SUSD4: variants seen among roughly 807,000 people sequenced by gnomAD.
SUSD4 encodes sushi domain containing 4.
In SUSD4, 41 loss-of-function variants were observed where a neutral mutation model predicts 50.5. The observed-to-expected ratio is 0.81, with a 90% CI of 0.63 to 1.05. The LOEUF is 1.05. SUSD4 is among the 50% of genes least tolerant of loss of function. The pLI is 0.00. For synonymous variants in SUSD4, 257 were observed against 257.3 expected, an observed-to-expected ratio of 1.00 and a Z score of 0.01; for missense variants, 580 against 634.7, an observed-to-expected ratio of 0.91 and a Z score of 0.93.
At chr1:223,252,382 G>A (rs1007692753) in intron 5 of SUSD4, among the ~76,000 whole-genome samples, 1 of 151,922 alleles carries the variant, frequency 6.6e-6, no homozygotes, top group Non-Finnish European at 1.5e-5. Flanking sequence ...CGAACGCCAA[G>A]GAATGAGGCA....
intron 5 of SUSD4, among the ~76,000 whole-genome samples, chr1:223,239,717 CTGTG>C (rs376158993): frequency 3.3e-5 from 5 of 149,570 alleles, no homozygotes; most frequent in Admixed American, 6.7e-5. Flanking sequence ...ATATAAGCGT[CTGTG>C]TGTGTGTGTG....
intron 2 of SUSD4, among the ~76,000 whole-genome samples, chr1:223,359,771 A>G (rs17162008): frequency 0.26 from 39,431 of 152,080 alleles, 5,203 homozygotes; most frequent in Middle Eastern, 0.3. Context: ...TGGGAGCCCA[A>G]GTAAGGGAAG....
Position 223,249,119 on chromosome 1 carries a change from A to T in SUSD4, c.724+15511T>A, listed in dbSNP as rs189984775. On this transcript the variant is annotated intron_variant, in intron 5 of 8. Coordinates refer to ENST00000366878, the MANE Select transcript of SUSD4 (RefSeq NM_017982.4). Reference sequence around the variant, plus strand: ...ACAAGGTGAAAATAAATCACAAGACATCTGTGGCGTCAGAGTGTTTTGACG... The same window carrying T: ...ACAAGGTGAAAATAAATCACAAGACTTCTGTGGCGTCAGAGTGTTTTGACG... 9.2e-5 allele frequency among the ~76,000 whole-genome samples: 14 copies of T among 152,358 alleles called. No individual in the cohort carries two copies. In the East Asian group the frequency reaches 2.7e-3, roughly 29 times the overall value.
chr1:223,355,518 C>T (rs1165482738), intron 2 of SUSD4, among the ~76,000 whole-genome samples: 1 of 152,086 alleles, frequency 6.6e-6, no homozygotes, highest in Admixed American at 6.6e-5. Context: ...CGCACCAGGC[C>T]CATTTTCTTT....
chr1:223,364,912 G>A (rs1289312187), upstream of SUSD4, among the ~76,000 whole-genome samples: 1 of 152,122 alleles, frequency 6.6e-6, no homozygotes, highest in East Asian at 1.9e-4. This position sits in a 1 kb window ranked among gnomAD's most constrained non-coding sequence, Gnocchi z 4.5. Flanking sequence ...TGAGGCGGCT[G>A]AGAGACACTC....
At chr1:223,224,393 G>A (rs1048385906) in intron 7 of SUSD4, among the ~76,000 whole-genome samples, 1 of 152,054 alleles carries the variant, frequency 6.6e-6, no homozygotes, top group African/African-American at 2.4e-5. Flanking sequence ...AGTGCCCAGA[G>A]GGACTAGCTG....
intron 2 of SUSD4, among the ~76,000 whole-genome samples, chr1:223,329,601 T>TA (rs1462757600): frequency 1.3e-5 from 2 of 152,242 alleles, no homozygotes; most frequent in African/African-American, 4.8e-5. Context: ...TCTGCATCCC[T>TA]AAAGTTCTTA....
At chr1:223,222,331 G>A in intron 8 of SUSD4, 111 bp from the exon 9 acceptor site, 1 of 1,160,632 alleles carries the variant, frequency 8.6e-7, no homozygotes, top group Non-Finnish European at 1.2e-6. Flanking sequence ...GTGAGGAGAA[G>A]AAAATGTTAA....
chr1:223,355,990 T>C (rs1668643187), intron 2 of SUSD4, among the ~76,000 whole-genome samples: 1 of 152,204 alleles, frequency 6.6e-6, no homozygotes, highest in African/African-American at 2.4e-5. Context: ...ATGCCTCTGT[T>C]ACACAGGGGA....
chr1:223,310,805 T>C (rs17163783), intron 2 of SUSD4, among the ~76,000 whole-genome samples: 110,628 of 152,232 alleles, frequency 0.73, 40,547 homozygotes, highest in Non-Finnish European at 0.79. Context: ...ATGGCCCATG[T>C]GGCCCTCTAT....
chr1:223,344,843 C>T (rs1474105555), intron 2 of SUSD4, among the ~76,000 whole-genome samples: 1 of 152,170 alleles, frequency 6.6e-6, no homozygotes, highest in East Asian at 1.9e-4. Flanking sequence ...GACAGTTTTC[C>T]TGAGTTCAGA....
intron 2 of SUSD4, among the ~76,000 whole-genome samples, chr1:223,360,900 T>C (rs571710941): frequency 3.9e-5 from 6 of 152,196 alleles, no homozygotes; most frequent in Non-Finnish European, 7.3e-5. Flanking sequence ...TCACAGGCCA[T>C]TTGCATTCAG....
chr1:223,360,367 C>T (rs901559144), intron 2 of SUSD4: 14 of 384,552 alleles, frequency 3.6e-5, no homozygotes, highest in Non-Finnish European at 6.4e-5. Context: ...ATTCCACACA[C>T]GGCAGGGTCC....
intron 2 of SUSD4, among the ~76,000 whole-genome samples, chr1:223,349,993 A>G (rs1230829621): frequency 6.6e-6 from 1 of 152,134 alleles, no homozygotes; most frequent in Non-Finnish European, 1.5e-5. Context: ...ATGACCACAG[A>G]GCTCTCTCCC....
intron 2 of SUSD4, among the ~76,000 whole-genome samples, chr1:223,329,108 T>C (rs929597062): frequency 6.6e-5 from 10 of 152,086 alleles, no homozygotes; most frequent in Non-Finnish European, 1.0e-4. Context: ...CCCCTTCCTC[T>C]CCAGCTCCCT....
chr1:223,270,907 G>A (rs1305790765), intron 3 of SUSD4, among the ~76,000 whole-genome samples: 2 of 152,120 alleles, frequency 1.3e-5, no homozygotes, highest in Non-Finnish European at 2.9e-5. Flanking sequence ...CAGTTTTCCT[G>A]CTAGCATAGT....
intron 5 of SUSD4, among the ~76,000 whole-genome samples, chr1:223,249,299 G>C (rs1430177442): frequency 6.6e-6 from 1 of 152,172 alleles, no homozygotes; most frequent in Non-Finnish European, 1.5e-5. Context: ...CACAGGTAAG[G>C]GAGCATTTAG....
intron 2 of SUSD4, among the ~76,000 whole-genome samples, chr1:223,360,781 T>A (rs1031020226): frequency 9.9e-5 from 15 of 152,128 alleles, no homozygotes; most frequent in Admixed American, 9.8e-4. Context: ...CAGAACAGTG[T>A]CCATTAAATA....
rs1182798581 is a variant in SUSD4 at position 223,231,497 on chromosome 1, G to C, written c.725-2109C>G. ...TGCTCTGCCTCAGGGTCTCTCCTGG[G>C]CTGGCAAATGCAGTCACACAACCCC... On this transcript the variant is annotated intron_variant, in intron 5 of 8. Transcript: ENST00000366878. This position sits in a 1 kb window ranked among gnomAD's most constrained non-coding sequence, Gnocchi z 4.2. 6.6e-6 allele frequency among the ~76,000 whole-genome samples: 1 copy of C among 152,208 alleles called. No homozygotes were observed. Among genetic ancestry groups the C allele is most frequent in the Non-Finnish European group, 1.5e-5 (1 of 68,030 alleles).
Sources: allele counts gnomAD v4.1 joint callset (sites outside exome capture counted in the v4.1 genomes callset), GRCh38; gene constraint gnomAD v4.1.1; non-coding constraint Gnocchi (gnomAD v3.1); transcripts MANE v1.5; gene names NCBI Gene and HGNC (gene_info 2026-07-23, HGNC 2026-07-21).